KCTD5: variants seen among roughly 807,000 people sequenced by gnomAD.
KCTD5 encodes BTB/POZ domain-containing protein KCTD5.
Under a neutral mutation model 27.9 loss-of-function variants are expected in KCTD5, and 12 were observed. The observed-to-expected ratio is 0.43, with a 90% CI of 0.28 to 0.70. The LOEUF (loss-of-function observed/expected upper bound fraction) is 0.70. Ranked by LOEUF, KCTD5 falls within the 30% of genes least tolerant of loss-of-function variation. KCTD5 has a pLI of 0.19. For synonymous variants in KCTD5, 147 were observed against 121.4 expected (o/e 1.21, Z -1.39); for missense variants, 226 against 274.8 (o/e 0.82, Z 1.26).
intron 3 of KCTD5, chr16:2,699,057 G>C: frequency 2.2e-6 from 1 of 447,970 alleles, no homozygotes; most frequent in Non-Finnish European, 4.5e-6. Flanking sequence ...CGAGGCCACT[G>C]TGTGCCTTTG....
At chr16:2,704,337 C>T (rs868623790) in intron 5 of KCTD5, among the ~76,000 whole-genome samples, 7 of 152,168 alleles carry the variant, frequency 4.6e-5, no homozygotes, top group Admixed American at 1.3e-4. Context: ...GGGCCCTCGT[C>T]GCTGGTGTCC....
chr16:2,688,226 TAA>T (rs869237816), intron 1 of KCTD5, among the ~76,000 whole-genome samples: 1,024 of 81,758 alleles, frequency 0.013, 10 homozygotes, highest in African/African-American at 0.036. Context: ...AATAAATAAA[TAA>T]ATATATATAT....
At position 2,682,711 on chromosome 16, in the gene KCTD5, T is replaced by G; in HGVS notation, c.163T>G (p.Phe55Val). The part of the protein sequence containing the change: ...WVRLNVGGTY[F>V]LTTRQTLCRD... Reference sequence around the variant, plus strand: ...CCGACTCAACGTCGGCGGCACCTACTTCCTCACCACTCGGCAGACCCTGTG... The same window carrying G: ...CCGACTCAACGTCGGCGGCACCTACGTCCTCACCACTCGGCAGACCCTGTG... The change falls in exon 1 of 6, where the codon TTC becomes GTC. Residue 55 changes from phenylalanine to valine, a missense_variant. This residue lies in a region of KCTD5 where 135 missense variants were observed against 207.0 expected (regional missense o/e 0.65). Transcript: ENST00000301738. The G allele has an allele frequency of 6.2e-7, 1 of 1,610,236 alleles. No individual in the cohort carries two copies. The highest frequency in any genetic ancestry group is 8.5e-7 in the Non-Finnish European group (1 of 1,178,788).
At chr16:2,697,035 C>T (rs1191199639) in intron 2 of KCTD5, 1 of 152,516 alleles carries the variant, frequency 6.6e-6, no homozygotes. Context: ...ACCGGTCTGC[C>T]TCTATCCCGC....
chr16:2,693,226 C>A (rs1251101484), intron 1 of KCTD5, among the ~76,000 whole-genome samples: 3 of 152,238 alleles, frequency 2.0e-5, no homozygotes, highest in Non-Finnish European at 4.4e-5. Flanking sequence ...ATGCTGAGGG[C>A]AGTGGGCTAT....
At chr16:2,706,991 C>T (rs2067639769) in intron 5 of KCTD5, among the ~76,000 whole-genome samples, 1 of 151,926 alleles carries the variant, frequency 6.6e-6, no homozygotes, top group Admixed American at 6.5e-5. Context: ...GGCCGAGTTG[C>T]GCTTCATGTC....
At chr16:2,687,668 G>T (rs2067546030) in intron 1 of KCTD5, among the ~76,000 whole-genome samples, 1 of 152,194 alleles carries the variant, frequency 6.6e-6, no homozygotes, top group South Asian at 2.1e-4. Flanking sequence ...TCTCGCCCCG[G>T]CCCTGTCGTT....
In KCTD5 at chr16:2,707,423, C is replaced by A; in HGVS notation, c.*96C>A. The A allele has an allele frequency of 1.6e-6, 2 of 1,260,184 alleles. No individual in the cohort carries two copies. Among genetic ancestry groups the A allele is most frequent in the South Asian group, 1.2e-5 (1 of 83,536 alleles). 78.1% of individuals were successfully genotyped at this position (1,260,184 alleles called of 1,614,324 possible). ...AAGCTTGGCTGTGAGAAGAAACCTG[C>A]TTTTGATCATTTTTCTAGAGATCTG... On this transcript the variant is annotated 3_prime_UTR_variant, in exon 6 of 6. Coordinates refer to ENST00000301738, the MANE Select transcript of KCTD5 (RefSeq NM_018992.4).
rs577988294 is a variant in KCTD5, at chr16:2,690,414, C to T, written c.253-5521C>T. Among the ~76,000 whole-genome samples the T allele has an allele frequency of 7.2e-4, 109 of 152,354 alleles. No homozygotes were observed. In the South Asian group the frequency reaches 0.022, roughly 31 times the overall value. ...GTGGCTCAGCCCAGCCTGCTGGGCC[C>T]ACTCAATGCCAGCTTGGGCCCGGCC... On this transcript the variant is annotated intron_variant, in intron 1 of 5. Transcript: ENST00000301738.
intron 1 of KCTD5, among the ~76,000 whole-genome samples, chr16:2,690,301 G>C (rs2067560384): frequency 6.6e-6 from 1 of 152,238 alleles, no homozygotes; most frequent in Non-Finnish European, 1.5e-5. Context: ...CCCGTGGCCA[G>C]GGTCGCCCTC....
At position 2,697,931 on chromosome 16, in the gene KCTD5, C is replaced by T. The variant is rs1366073648; in HGVS notation, c.387C>T (p.Tyr129=). Residue 129 remains tyrosine, a synonymous_variant, in exon 3 of 6, where the codon TAC becomes TAT. Transcript: ENST00000301738. ...GAGTGTTGGAGGAAGCAGAATTTTACAATATCACCTCATTAATAAAACTTG... is the reference window on the plus strand; with the variant it reads ...GAGTGTTGGAGGAAGCAGAATTTTATAATATCACCTCATTAATAAAACTTG... The part of the protein sequence containing the change: ...EEGVLEEAEF[Y]NITSLIKLVK... The T allele has an allele frequency of 6.2e-7, 1 of 1,610,392 alleles. No homozygotes were observed. The highest frequency in any genetic ancestry group is 1.3e-5 in the African/African-American group (1 of 74,978).
intron 5 of KCTD5, among the ~76,000 whole-genome samples, chr16:2,707,043 C>T (rs539354734): frequency 1.3e-5 from 2 of 152,004 alleles, no homozygotes; most frequent in African/African-American, 2.4e-5. Flanking sequence ...CAAGAGTCAG[C>T]GCCTTTGGGT....
At position 2,704,823 on chromosome 16, in the gene KCTD5, TC is replaced by T. The variant is rs570636853; in HGVS notation, c.675+2347del. 2.6e-5 allele frequency among the ~76,000 whole-genome samples: 4 copies of T among 152,266 alleles called. No individual in the cohort carries two copies. In the South Asian group the frequency reaches 8.3e-4, roughly 32 times the overall value. On this transcript the variant is annotated intron_variant, in intron 5 of 5. Coordinates refer to ENST00000301738, the MANE Select transcript of KCTD5 (RefSeq NM_018992.4). ...CACAGAGCCCACGCAGCAGAGGCCC[TC>T]CTATCAGGCCGAGATCTGTGGGCTA...
intron 3 of KCTD5, among the ~76,000 whole-genome samples, chr16:2,698,833 G>A (rs1168799636): frequency 6.6e-6 from 1 of 152,206 alleles, no homozygotes; most frequent in Non-Finnish European, 1.5e-5. Flanking sequence ...TGTGGGGCAG[G>A]AGCTGCGTCC....
intron 4 of KCTD5, among the ~76,000 whole-genome samples, chr16:2,702,033 T>C (rs2067614249): frequency 6.6e-6 from 1 of 151,826 alleles, no homozygotes; most frequent in Admixed American, 6.6e-5. Context: ...GCTGCCCCCC[T>C]CCCTCCGCCC....
At position 2,682,642 on chromosome 16, in the gene KCTD5, C is replaced by A. The variant is rs1285615168; in HGVS notation, c.94C>A (p.Leu32Ile). ...CCTGTGCCGCCGCTGCAGCGCTGGG[C>A]TCGGCGCCCTGGCCCAGCGCCCTGG... ...GGLCRRCSAG[L>I]GALAQRPGSV... Residue 32 changes from leucine (L) to isoleucine (I), a missense_variant, in exon 1 of 6, where the codon CTC becomes ATC. Around this residue, in one of 2 missense-constraint regions of KCTD5, gnomAD observed 91 missense variants for 67.8 expected, o/e 1.34. Coordinates refer to ENST00000301738, the MANE Select transcript of KCTD5 (RefSeq NM_018992.4). 3 of 1,588,948 alleles carry A rather than the reference C, an allele frequency of 1.9e-6. No homozygotes were observed. The highest frequency in any genetic ancestry group is 2.8e-5 in the African/African-American group (2 of 72,176).
chr16:2,699,303 G>A (rs1459652805), intron 3 of KCTD5: 3 of 442,436 alleles, frequency 6.8e-6, no homozygotes, highest in East Asian at 7.1e-5. Context: ...CACAGCAAGC[G>A]TGCCAGGCAG....
chr16:2,690,707 T>C (rs2067562618), intron 1 of KCTD5, among the ~76,000 whole-genome samples: 1 of 152,200 alleles, frequency 6.6e-6, no homozygotes, highest in Non-Finnish European at 1.5e-5. Context: ...GGCCGGGGCA[T>C]CTTTCCTTCC....
At chr16:2,692,405 G>C (rs78577892) in intron 1 of KCTD5, among the ~76,000 whole-genome samples, 1 of 152,172 alleles carries the variant, frequency 6.6e-6, no homozygotes, top group Non-Finnish European at 1.5e-5. Flanking sequence ...GGCTCATTCA[G>C]TTGGCAGCTC....
Sources: allele counts gnomAD v4.1 joint callset (sites outside exome capture counted in the v4.1 genomes callset), GRCh38; gene constraint gnomAD v4.1.1; regional missense constraint gnomAD v4.1.1; transcripts MANE v1.5; gene names NCBI Gene and HGNC (gene_info 2026-07-23, HGNC 2026-07-21).